Variants in ATP11B observed in about 807,000 individuals in gnomAD.
The protein encoded by ATP11B is phospholipid-transporting ATPase IF.
ATP11B carries 81 observed loss-of-function variants against 157.8 expected under a neutral mutation model. The ratio of observed to expected loss-of-function variants is 0.51; its 90% confidence interval spans 0.43 to 0.62. The LOEUF (loss-of-function observed/expected upper bound fraction) is 0.62. ATP11B is among the 20% of genes least tolerant of loss of function. The pLI, the probability that ATP11B is intolerant of heterozygous loss-of-function variation, is 0.00. For missense variants in ATP11B, 1,165 were observed against 1,402.2 expected, an observed-to-expected ratio of 0.83 and a Z score of 2.70; for synonymous variants, 451 against 469.4, an observed-to-expected ratio of 0.96 and a Z score of 0.51.
chr3:182,830,166 T>C (rs1397395925), intron 4 of ATP11B, among the ~76,000 whole-genome samples: 4 of 151,950 alleles, frequency 2.6e-5, no homozygotes, highest in Non-Finnish European at 5.9e-5. Context: ...AAAAACTATG[T>C]AGTTCAAAAA....
chr3:182,823,969 C>A (rs1168698762), intron 2 of ATP11B, among the ~76,000 whole-genome samples: 1 of 152,072 alleles, frequency 6.6e-6, no homozygotes, highest in Non-Finnish European at 1.5e-5. Context: ...AAAAATCTTT[C>A]ATGGTCTTTT....
intron 28 of ATP11B, among the ~76,000 whole-genome samples, chr3:182,911,523 C>T (rs1330680092): frequency 6.6e-6 from 1 of 152,096 alleles, no homozygotes; most frequent in Non-Finnish European, 1.5e-5. Flanking sequence ...ACGGTTTCCT[C>T]ATCTGTAAAC....
At chr3:182,798,712 C>T (rs562961788) in intron 1 of ATP11B, among the ~76,000 whole-genome samples, 3 of 152,228 alleles carry the variant, frequency 2.0e-5, no homozygotes, top group Non-Finnish European at 2.9e-5. Flanking sequence ...ATATGGCTGT[C>T]GAAATGTAGG....
intron 15 of ATP11B, among the ~76,000 whole-genome samples, chr3:182,868,505 A>G (rs973327553): frequency 1.3e-5 from 2 of 152,058 alleles, no homozygotes; most frequent in Middle Eastern, 3.4e-3. Context: ...TTTAAGCCAC[A>G]CCTCATGTAG....
rs1453571139 is a variant in ATP11B at position 182,794,377 on chromosome 3, CTG to C, written c.27+594_27+595del. On this transcript the variant is annotated intron_variant, in intron 1 of 29. Transcript: ENST00000323116. The stretch of plus-strand genomic sequence containing the variant: ...CCCCAGGACCTGGAAAGGGGAAAGA[CTG>C]TGCCAGCTGCCGGTCTAGCTTCGGA... 4.6e-5 allele frequency among the ~76,000 whole-genome samples: 7 copies of C among 152,168 alleles called. No homozygotes were observed. In the South Asian group the frequency reaches 1.0e-3, roughly 22 times the overall value.
In ATP11B at chr3:182,897,375, G is replaced by A; in HGVS notation, c.3121G>A (p.Val1041Ile). The A allele has an allele frequency of 6.3e-7, 1 of 1,587,844 alleles. No individual in the cohort carries two copies. The highest frequency in any genetic ancestry group is 2.3e-5 in the East Asian group (1 of 43,396). Residue 1041 changes from valine (V) to isoleucine (I), a missense_variant, in exon 27 of 30, where the codon GTA (valine) becomes ATA (isoleucine). Physicochemically the swap from Val to Ile is conservative, Grantham distance 29. Around this residue, in one of 4 missense-constraint regions of ATP11B, gnomAD observed 303 missense variants for 296.3 expected, o/e 1.02. Transcript: ENST00000323116. ...VTWGSIIFYF[V>I]FSLFYGGILW... ...CTGGGGATCTATTATATTTTATTTT[G>A]TATTTTCCTTGTTTTATGGAGGGAT...
intron 1 of ATP11B, 34 bp downstream of exon 1, chr3:182,793,820 C>A (rs767347932): frequency 7.7e-7 from 1 of 1,304,404 alleles, no homozygotes; most frequent in South Asian, 1.9e-5. Context: ...TCCATTCGTC[C>A]GCCCCCGCGG....
At chr3:182,899,218 C>T (rs1424996297) in intron 28 of ATP11B, among the ~76,000 whole-genome samples, 3 of 147,190 alleles carry the variant, frequency 2.0e-5, no homozygotes, top group African/African-American at 7.6e-5. Context: ...TGTAGTGGCA[C>T]GATCTTGGAT....
At chr3:182,863,757 T>G (rs1206058403) in intron 12 of ATP11B, among the ~76,000 whole-genome samples, 1 of 151,978 alleles carries the variant, frequency 6.6e-6, no homozygotes, top group African/African-American at 2.4e-5. Context: ...TATCCATCCC[T>G]ACCATCTAAT....
intron 28 of ATP11B, 85 bp downstream of exon 28, chr3:182,898,857 C>A: frequency 1.0e-6 from 1 of 963,588 alleles, no homozygotes; most frequent in Non-Finnish European, 1.4e-6. Context: ...TTGATTATGT[C>A]AGAAAATAGG....
chr3:182,812,370 G>A (rs746762455), intron 1 of ATP11B, among the ~76,000 whole-genome samples: 3 of 152,044 alleles, frequency 2.0e-5, no homozygotes, highest in Non-Finnish European at 2.9e-5. Flanking sequence ...ATTTTTACCC[G>A]TTTATCTCCA....
intron 24 of ATP11B, among the ~76,000 whole-genome samples, chr3:182,888,997 A>C (rs770999870): frequency 3.0e-4 from 45 of 151,488 alleles, no homozygotes; most frequent in Admixed American, 5.3e-4. Flanking sequence ...CAAGTAGCTG[A>C]GACTACAGGC....
In ATP11B at chr3:182,921,327, T is replaced by TAA. The variant is rs961632824; in HGVS notation, c.*3226_*3227dup. On this transcript the variant is annotated 3_prime_UTR_variant, in exon 30 of 30. Coordinates refer to ENST00000323116, the MANE Select transcript of ATP11B (RefSeq NM_014616.3). ...AATGAGTTATCTATTTTCATAAAAG[T>TAA]AAAACACTATTAAAGTGCTGTTTTA... 9.6e-5 allele frequency: 14 copies of TAA among 146,298 alleles called. 1 individual carries two copies. The South Asian group carries it at 1.9e-3, about 19-fold the overall frequency. The allele number at this position is 146,298 out of a possible 1,614,324, so 9.1% of individuals were successfully genotyped here. A position where few individuals can be genotyped will look rare whatever the true frequency, so the allele number is the denominator to read the frequency against.
intron 1 of ATP11B, among the ~76,000 whole-genome samples, chr3:182,799,492 G>A (rs1445261677): frequency 1.3e-5 from 2 of 151,954 alleles, no homozygotes; most frequent in African/African-American, 2.4e-5. Flanking sequence ...TACCAGGATG[G>A]TCTCGATCTC....
intron 28 of ATP11B, among the ~76,000 whole-genome samples, chr3:182,911,880 G>A (rs1235410934): frequency 6.6e-6 from 1 of 152,174 alleles, no homozygotes; most frequent in Non-Finnish European, 1.5e-5. Flanking sequence ...TAATGGAGAC[G>A]GTAGGATTTA....
intron 17 of ATP11B, among the ~76,000 whole-genome samples, chr3:182,870,447 G>T (rs369361742): frequency 6.6e-6 from 1 of 151,990 alleles, no homozygotes; most frequent in African/African-American, 2.4e-5. Context: ...AATTGTTTAT[G>T]TTCCAGTTTA....
intron 2 of ATP11B, among the ~76,000 whole-genome samples, chr3:182,820,698 A>C (rs931300856): frequency 6.6e-6 from 1 of 152,140 alleles, no homozygotes; most frequent in Non-Finnish European, 1.5e-5. Context: ...AAAACTGTAG[A>C]TATGGATCAT....
At chr3:182,884,553 A>T (rs1722671946) in intron 21 of ATP11B, among the ~76,000 whole-genome samples, 200 bp from the exon 22 acceptor site, 1 of 152,098 alleles carries the variant, frequency 6.6e-6, no homozygotes, top group Non-Finnish European at 1.5e-5. Flanking sequence ...AATTGGTGTT[A>T]TGTGTCTGAT....
chr3:182,906,000 G>T, intron 28 of ATP11B: 1 of 364,504 alleles, frequency 2.7e-6, no homozygotes, highest in Non-Finnish European at 5.6e-6. Context: ...CACCTGACCT[G>T]ACATTTCCAT....
Sources: gnomAD v4.1 joint callset for allele counts (sites outside exome capture counted in the v4.1 genomes callset) on GRCh38, gnomAD v4.1.1 for gene constraint, gnomAD v4.1.1 regional missense constraint, MANE v1.5 for transcripts, NCBI Gene and HGNC (gene_info 2026-07-23, HGNC 2026-07-21) for gene names.